The following ZYG11B variants were observed in gnomAD, a reference collection of about 807,000 sequenced individuals.
ZYG11B encodes zyg-11 family member B, cell cycle regulator, also known as protein zyg-11 homolog B.
Under a neutral mutation model 82.4 loss-of-function variants are expected in ZYG11B, and 36 were observed. The ratio of observed to expected loss-of-function variants is 0.44; its 90% CI spans 0.33 to 0.58. ZYG11B has a LOEUF of 0.58. Among genes scored for constraint, ZYG11B ranks in the 20% least tolerant of loss-of-function variants. The probability of loss-of-function intolerance (pLI) is 0.02; values close to 1 mark genes in which losing one functional copy is unlikely to be tolerated. For missense variants in ZYG11B, 552 were observed against 895.6 expected (o/e 0.62, Z 4.90); for synonymous variants, 303 against 312.8 (o/e 0.97, Z 0.33).
intron 1 of ZYG11B, among the ~76,000 whole-genome samples, chr1:52,744,670 G>A (rs113169759): frequency 0.02 from 3,023 of 152,168 alleles, 102 homozygotes; most frequent in African/African-American, 0.068. Flanking sequence ...GTGAAACCCC[G>A]TCTCTACTAA....
At chr1:52,777,039 G>T (rs773467862) in intron 3 of ZYG11B, among the ~76,000 whole-genome samples, 1 of 152,018 alleles carries the variant, frequency 6.6e-6, no homozygotes, top group South Asian at 2.1e-4. Context: ...ACGAAATCCC[G>T]TCTCTACTAA....
intron 4 of ZYG11B, among the ~76,000 whole-genome samples, chr1:52,783,849 C>CACGTGTGCGTATGTACAT (rs1558132620): frequency 7.3e-6 from 1 of 137,468 alleles, no homozygotes; most frequent in Non-Finnish European, 1.5e-5. Context: ...TATGTACATA[C>CACGTGTGCGTATGTACAT]ACGTGTGTGT....
intron 1 of ZYG11B, among the ~76,000 whole-genome samples, chr1:52,738,811 G>T (rs1644398898): frequency 6.7e-6 from 1 of 150,370 alleles, no homozygotes; most frequent in Non-Finnish European, 1.5e-5. Flanking sequence ...TAGAGACGGG[G>T]TTTCTCCATG....
intron 10 of ZYG11B, among the ~76,000 whole-genome samples, chr1:52,804,605 G>A (rs1645126083): frequency 2.0e-5 from 3 of 146,798 alleles, no homozygotes; most frequent in South Asian, 2.1e-4. Flanking sequence ...AGGGTGAGAC[G>A]GTCTCAGAAA....
At chr1:52,742,322 C>T (rs1372702685) in intron 1 of ZYG11B, among the ~76,000 whole-genome samples, 2 of 152,018 alleles carry the variant, frequency 1.3e-5, no homozygotes, top group African/African-American at 2.4e-5. Context: ...CATGATGACA[C>T]GTGCCTGTAG....
chr1:52,747,307 T>C (rs201581296), intron 1 of ZYG11B, among the ~76,000 whole-genome samples: 3 of 28,738 alleles, frequency 1.0e-4, no homozygotes, highest in Non-Finnish European at 1.4e-4. Flanking sequence ...TCACTTTTGA[T>C]TTTTTTTTTT....
At chr1:52,802,340 CTTTTTT>C (rs397980205) in intron 10 of ZYG11B, among the ~76,000 whole-genome samples, 1 of 78,078 alleles carries the variant, frequency 1.3e-5, no homozygotes, top group African/African-American at 5.0e-5. Context: ...TTCTTTCTCT[CTTTTTT>C]TTTTTTTTTT....
chr1:52,806,018 T>A (rs1419015612), intron 10 of ZYG11B, among the ~76,000 whole-genome samples: 1 of 151,938 alleles, frequency 6.6e-6, no homozygotes, highest in African/African-American at 2.4e-5. Context: ...AATATTAATA[T>A]AACTTTATAT....
At chr1:52,769,306 C>T (rs541736014) in intron 2 of ZYG11B, among the ~76,000 whole-genome samples, 14 of 151,880 alleles carry the variant, frequency 9.2e-5, no homozygotes, top group Non-Finnish European at 1.5e-4. Context: ...TTAAATTTAC[C>T]GGTGGCCACA....
chr1:52,811,053 G>GAC (rs1645178760), intron 10 of ZYG11B, among the ~76,000 whole-genome samples: 6 of 143,418 alleles, frequency 4.2e-5, no homozygotes, highest in African/African-American at 1.3e-4. Flanking sequence ...AAAAAAAAAA[G>GAC]AGAAATTTAT....
chr1:52,803,068 C>CTA lies in ZYG11B; in HGVS notation c.1695+944_1695+945dup, dbSNP rs547941456. Among the ~76,000 whole-genome samples, 492 of 88,380 alleles carry CTA rather than the reference C, an allele frequency of 5.6e-3. 30 individuals are homozygous for CTA. Among genetic ancestry groups the CTA allele is most frequent in the African/African-American group, 0.02 (402 of 20,208 alleles). 58.0% of individuals were successfully genotyped at this position (88,380 alleles called of 152,430 possible). A position where few individuals can be genotyped will look rare whatever the true frequency, so the allele number is the denominator to read the frequency against. ...TTTTTTTTATTTTTTATTTTTGCCA[C>CTA]TATATATATATATATACACATATAT... On this transcript the variant is annotated intron_variant, in intron 10 of 13. Transcript: ENST00000294353.
At chr1:52,811,121 G>A (rs952088191) in intron 10 of ZYG11B, among the ~76,000 whole-genome samples, 5 of 150,786 alleles carry the variant, frequency 3.3e-5, no homozygotes, top group Non-Finnish European at 7.4e-5. Flanking sequence ...TTATCCTATA[G>A]GTGTGCTAGC....
intron 6 of ZYG11B, among the ~76,000 whole-genome samples, chr1:52,791,339 G>A (rs1299768622): frequency 6.6e-6 from 1 of 151,802 alleles, no homozygotes; most frequent in Non-Finnish European, 1.5e-5. Flanking sequence ...TTAATGAAAA[G>A]TATGTTTCTC....
intron 3 of ZYG11B, among the ~76,000 whole-genome samples, chr1:52,776,003 G>A (rs1644801969): frequency 6.6e-6 from 1 of 150,890 alleles, no homozygotes; most frequent in Admixed American, 6.6e-5. Flanking sequence ...ATCACCTGAT[G>A]TCAGGAGTTG....
rs116455603 is a variant in ZYG11B, at chr1:52,746,395, T to C, written c.31-10063T>C. Among the ~76,000 whole-genome samples, 785 of 152,258 alleles carry C rather than the reference T, an allele frequency of 5.2e-3. 8 individuals are homozygous for C. Among genetic ancestry groups the C allele is most frequent in the African/African-American group, 0.018 (756 of 41,544 alleles). On this transcript the variant is annotated intron_variant, in intron 1 of 13. Coordinates refer to ENST00000294353, the MANE Select transcript of ZYG11B (RefSeq NM_024646.3). ...TTTCTTGAAACATCATGAAGTAGAA[T>C]AGAGTTCACAGATAAACCAAGCAGA...
intron 13 of ZYG11B, among the ~76,000 whole-genome samples, chr1:52,819,929 T>A (rs186604146): frequency 3.4e-4 from 52 of 151,908 alleles, no homozygotes; most frequent in Admixed American, 2.8e-3. Flanking sequence ...ATTTTATTTT[T>A]TTTTTGAGAC....
chr1:52,726,863 T>C (rs1390517641), intron 1 of ZYG11B, among the ~76,000 whole-genome samples, 180 bp downstream of exon 1: 1 of 151,968 alleles, frequency 6.6e-6, no homozygotes, highest in Non-Finnish European at 1.5e-5. Context: ...ATTCACCTGC[T>C]TCGGTGAACC....
At chr1:52,758,384 T>C (rs961778062) in intron 2 of ZYG11B, among the ~76,000 whole-genome samples, 2 of 152,122 alleles carry the variant, frequency 1.3e-5, no homozygotes, top group Non-Finnish European at 2.9e-5. Flanking sequence ...TCGCAAAAAC[T>C]CTATAAGGTA....
At chr1:52,811,454 T>G (rs924965224) in intron 10 of ZYG11B, among the ~76,000 whole-genome samples, 1 of 152,108 alleles carries the variant, frequency 6.6e-6, no homozygotes. Context: ...GTGCTTTGAT[T>G]TGGATGGTTT....
Sources: allele counts gnomAD v4.1 joint callset (sites outside exome capture counted in the v4.1 genomes callset), GRCh38; gene constraint gnomAD v4.1.1; transcripts MANE v1.5; gene names NCBI Gene and HGNC (gene_info 2026-07-23, HGNC 2026-07-21).